The following DGLUCY variants were observed in gnomAD, a reference collection of about 807,000 sequenced individuals.
The protein encoded by DGLUCY is D-glutamate cyclase.
Under a neutral mutation model 58.5 loss-of-function variants are expected in DGLUCY, and 58 were observed. That is an observed-to-expected ratio of 0.99 (90% confidence interval 0.80 to 1.23). DGLUCY has a LOEUF of 1.23. DGLUCY is among the 50% of genes most tolerant of loss of function. The pLI, the probability that DGLUCY is intolerant of heterozygous loss-of-function variation, is 0.00. For synonymous variants in DGLUCY, 325 were observed against 314.1 expected, an observed-to-expected ratio of 1.03 and a Z score of -0.37; for missense variants, 779 against 784.7, an observed-to-expected ratio of 0.99 and a Z score of 0.09.
intron 13 of DGLUCY, among the ~76,000 whole-genome samples, chr14:91,219,980 T>G (rs1887186730): frequency 1.3e-5 from 2 of 152,192 alleles, no homozygotes; most frequent in South Asian, 4.1e-4. Flanking sequence ...TCATGGCATC[T>G]TCCCCTCAGC....
At chr14:91,153,159 A>G (rs2047414756) in intron 1 of DGLUCY, among the ~76,000 whole-genome samples, 1 of 152,130 alleles carries the variant, frequency 6.6e-6, no homozygotes, top group East Asian at 1.9e-4. Flanking sequence ...TGCTCTGCCC[A>G]TCCCTCCTGA....
intron 1 of DGLUCY, among the ~76,000 whole-genome samples, chr14:91,070,279 C>G (rs534349612): frequency 4.1e-4 from 62 of 152,228 alleles, no homozygotes; most frequent in African/African-American, 1.5e-3. Flanking sequence ...GAAATAATTT[C>G]TAGATTAGAA....
chr14:91,096,003 A>G (rs974790383), intron 1 of DGLUCY, among the ~76,000 whole-genome samples: 4 of 152,152 alleles, frequency 2.6e-5, no homozygotes, highest in South Asian at 4.1e-4. Context: ...AATTTCACTC[A>G]TGGCCTCTGG....
At chr14:91,068,965 G>A (rs983421844) in intron 1 of DGLUCY, among the ~76,000 whole-genome samples, 23 of 152,220 alleles carry the variant, frequency 1.5e-4, no homozygotes, top group African/African-American at 5.5e-4. Flanking sequence ...TGGATTGGAG[G>A]GGTGTTTCCC....
rs767888421 is a variant in DGLUCY, at chr14:91,189,107, A to G, written c.1132A>G (p.Ile378Val). ...GCAGGCCTTGGAGAAGGAGGTCGCCATAATCGTTGACCAGAGAGCCTGGAA... is the reference window on the plus strand; with the variant it reads ...GCAGGCCTTGGAGAAGGAGGTCGCCGTAATCGTTGACCAGAGAGCCTGGAA... ...FLQALEKEVA[I>V]IVDQRAWNLH... The change falls in exon 9 of 14, where the codon ATA becomes GTA. Residue 378 changes from isoleucine (I) to valine (V), a missense_variant. Physicochemically the swap from Ile to Val is conservative, Grantham distance 29 (BLOSUM62 3). Coordinates refer to ENST00000256324, the MANE Select transcript of DGLUCY (RefSeq NM_001102368.3). 8 of 1,614,212 alleles carry G rather than the reference A, an allele frequency of 5.0e-6. No individual in the cohort carries two copies. Among genetic ancestry groups the G allele is most frequent in the East Asian group, 2.2e-5 (1 of 44,878 alleles).
chr14:91,135,648 C>T (rs1401008431), intron 1 of DGLUCY, among the ~76,000 whole-genome samples: 1 of 98,032 alleles, frequency 1.0e-5, no homozygotes, highest in Non-Finnish European at 1.9e-5. Flanking sequence ...GAAACTCTGC[C>T]TCATTAAAAA....
At chr14:91,068,551 C>T (rs750688175) in intron 1 of DGLUCY, among the ~76,000 whole-genome samples, 31 of 152,148 alleles carry the variant, frequency 2.0e-4, no homozygotes, top group Non-Finnish European at 4.3e-4. Context: ...GCCTTGTGAT[C>T]CCAGCTACTC....
At chr14:91,073,211 C>T (rs1033160672) in intron 1 of DGLUCY, among the ~76,000 whole-genome samples, 4 of 152,054 alleles carry the variant, frequency 2.6e-5, no homozygotes, top group South Asian at 2.1e-4. Flanking sequence ...GAGGCTGAGG[C>T]GGATGGATTG....
intron 1 of DGLUCY, among the ~76,000 whole-genome samples, chr14:91,061,062 GGGGA>G (rs2043662420): frequency 6.6e-6 from 1 of 152,126 alleles, no homozygotes; most frequent in Non-Finnish European, 1.5e-5. Flanking sequence ...CGAAAGAGGC[GGGGA>G]GGGATGATTG....
In DGLUCY at chr14:91,150,858, A is replaced by T. The variant is rs182571955; in HGVS notation, c.-81-6781A>T. Among the ~76,000 whole-genome samples the T allele has an allele frequency of 6.7e-3, 1,027 of 152,304 alleles. 6 individuals carry two copies. Among genetic ancestry groups the T allele is most frequent in the Non-Finnish European group, 0.01 (710 of 68,028 alleles). On this transcript the variant is annotated intron_variant, in intron 1 of 13. Coordinates refer to ENST00000256324, the MANE Select transcript of DGLUCY (RefSeq NM_001102368.3). ...TTTAAGTGTACAGTTCTGTGGCATT[A>T]AGTACATTCACATTGTTGTGCAACC...
chr14:91,110,680 C>T (rs1426042914), upstream of DGLUCY, among the ~76,000 whole-genome samples: 7 of 152,078 alleles, frequency 4.6e-5, no homozygotes, highest in Admixed American at 4.6e-4. Flanking sequence ...AAGCAATCTG[C>T]CTGCCTCAAC....
At chr14:91,170,344 A>T in intron 5 of DGLUCY, 143 bp downstream of exon 5, 2 of 934,028 alleles carry the variant, frequency 2.1e-6, no homozygotes, top group Non-Finnish European at 3.1e-6. Context: ...CTAGCTGTGC[A>T]ACCCAGGAGA....
chr14:91,141,576 G>T (rs969352042), intron 1 of DGLUCY, among the ~76,000 whole-genome samples: 4 of 142,034 alleles, frequency 2.8e-5, no homozygotes, highest in Non-Finnish European at 4.5e-5. Flanking sequence ...TTTTTGAAGC[G>T]GAGTCTCACT....
chr14:91,184,869 A>T (rs2049405804), intron 8 of DGLUCY, among the ~76,000 whole-genome samples: 1 of 152,138 alleles, frequency 6.6e-6, no homozygotes, highest in Non-Finnish European at 1.5e-5. Context: ...ATATAATCCT[A>T]TAGTAAATTA....
intron 9 of DGLUCY, among the ~76,000 whole-genome samples, chr14:91,195,519 G>T (rs955124786): frequency 6.6e-6 from 1 of 152,146 alleles, no homozygotes; most frequent in Non-Finnish European, 1.5e-5. Flanking sequence ...CTGAAGGTAT[G>T]CAGGGAGGTA....
chr14:91,219,207 A>G (rs1252327742), intron 13 of DGLUCY, among the ~76,000 whole-genome samples: 2 of 152,142 alleles, frequency 1.3e-5, no homozygotes, highest in Non-Finnish European at 2.9e-5. Flanking sequence ...AAATTTTGAA[A>G]AAAGCTTCTG....
chr14:91,120,173 G>A, intron 1 of DGLUCY, among the ~76,000 whole-genome samples: 1 of 152,082 alleles, frequency 6.6e-6, no homozygotes, highest in East Asian at 1.9e-4. Flanking sequence ...AGTGTCCTCA[G>A]CCACGCAAAA....
intron 1 of DGLUCY, among the ~76,000 whole-genome samples, chr14:91,143,596 G>A (rs2140266967): frequency 6.6e-6 from 1 of 152,296 alleles, no homozygotes; most frequent in South Asian, 2.1e-4. Flanking sequence ...ATGGGATGGA[G>A]ACTTCTTCCC....
chr14:91,173,758 C>G (rs1342483374), intron 6 of DGLUCY: 1 of 234,436 alleles, frequency 4.3e-6, no homozygotes, highest in African/African-American at 2.3e-5. Context: ...TTAAAGGTGC[C>G]ACCCTTGGCA....
Sources: allele counts gnomAD v4.1 joint callset (sites outside exome capture counted in the v4.1 genomes callset), GRCh38; gene constraint gnomAD v4.1.1; transcripts MANE v1.5; gene names NCBI Gene and HGNC (gene_info 2026-07-23, HGNC 2026-07-21).